The following VCL variants were observed in gnomAD, a reference collection of about 807,000 sequenced individuals.
The protein encoded by VCL is epididymis luminal protein 114.
VCL carries 47 observed loss-of-function variants against 125.7 expected under a neutral mutation model. The observed-to-expected ratio is 0.37, with a 90% CI of 0.30 to 0.48. The LOEUF is 0.48. Among genes scored for constraint, VCL ranks in the 20% least tolerant of loss-of-function variants. The pLI is 0.99. For missense variants in VCL, 1,069 were observed against 1,455.5 expected, an observed-to-expected ratio of 0.73 and a Z score of 4.32; for synonymous variants, 458 against 514.6, an observed-to-expected ratio of 0.89 and a Z score of 1.49.
Position 74,114,886 on chromosome 10 carries a change from A to C in VCL, c.3245A>C (p.Glu1082Ala), listed in dbSNP as rs1554819693. ...TMLGRTNISD[E>A]ESEQATEMLV... ...CTGGGCCGGACCAACATCAGTGATG[A>C]GGAGTCTGAGCAGGTATGTGGCAGC... Residue 1082 changes from glutamate to alanine, a missense_variant, in exon 21 of 22, where the codon GAG becomes GCG. This residue lies in a region of VCL where 91 missense variants were observed against 203.9 expected (regional missense o/e 0.45). Transcript: ENST00000211998. 1 of 1,594,732 alleles carries C rather than the reference A, an allele frequency of 6.3e-7. No individual in the cohort carries two copies. Among genetic ancestry groups the C allele is most frequent in the Non-Finnish European group, 8.5e-7 (1 of 1,170,598 alleles).
chr10:74,021,178 A>T lies in VCL; in HGVS notation c.169-21905A>T, dbSNP rs10458657. Among the ~76,000 whole-genome samples, 1,025 of 151,830 alleles carry T rather than the reference A, an allele frequency of 6.8e-3. 8 individuals carry two copies. The highest frequency in any genetic ancestry group is 0.019 in the African/African-American group (773 of 41,404). ...TCACTCTCTTCATGAAGCTCTTCCCAGGCTGCTCAGCAAAGGGAAGCTCTC... is the reference window on the plus strand; with the variant it reads ...TCACTCTCTTCATGAAGCTCTTCCCTGGCTGCTCAGCAAAGGGAAGCTCTC... On this transcript the variant is annotated intron_variant, in intron 1 of 21. Transcript: ENST00000211998.
intron 13 of VCL, among the ~76,000 whole-genome samples, chr10:74,098,286 A>G (rs1195889858): frequency 6.6e-6 from 1 of 152,190 alleles, no homozygotes; most frequent in African/African-American, 2.4e-5. Flanking sequence ...GGTGACCACT[A>G]AGATAACACC....
In VCL at chr10:74,089,287, C is replaced by T. The variant is rs770954415; in HGVS notation, c.1114C>T (p.Arg372Cys). The T allele has an allele frequency of 1.9e-5, 31 of 1,613,930 alleles. No homozygotes were observed. The highest frequency in any genetic ancestry group is 1.9e-5 in the Non-Finnish European group (22 of 1,180,026). Reference sequence around the variant, plus strand: ...CACAGCAAAAGTGGAAAATGCAGCTCGCAAGCTGGAAGCCATGACCAACTC... The same window carrying T: ...CACAGCAAAAGTGGAAAATGCAGCTTGCAAGCTGGAAGCCATGACCAACTC... ...VLTAKVENAA[R>C]KLEAMTNSKQ... The change falls in exon 9 of 22, where the codon CGC (arginine) becomes TGC (cysteine). Residue 372 changes from arginine (R) to cysteine (C), a missense_variant. Arg to Cys is a radical substitution (Grantham distance 180). Around this residue, in one of 6 missense-constraint regions of VCL, gnomAD observed 760 missense variants for 928.9 expected, o/e 0.82. Transcript: ENST00000211998.
intron 1 of VCL, among the ~76,000 whole-genome samples, chr10:74,000,515 A>G (rs1274233332): frequency 1.3e-5 from 2 of 152,104 alleles, no homozygotes; most frequent in African/African-American, 4.8e-5. Context: ...CCCAGGTTCA[A>G]GTGATTCTCC....
At chr10:74,081,511 G>A (rs1839673659) in intron 6 of VCL, among the ~76,000 whole-genome samples, 1 of 152,154 alleles carries the variant, frequency 6.6e-6, no homozygotes, top group Admixed American at 6.6e-5. Context: ...GTGCTTTGAT[G>A]GCTTAACTCT....
At chr10:74,041,910 C>T (rs1408541736) in intron 1 of VCL, among the ~76,000 whole-genome samples, 1 of 152,034 alleles carries the variant, frequency 6.6e-6, no homozygotes, top group Non-Finnish European at 1.5e-5. Context: ...TTCAAAAACA[C>T]AAACAAAAAA....
Position 74,105,043 on chromosome 10 carries a change from C to T in VCL, c.2132-8C>T. 1.9e-6 allele frequency: 3 copies of T among 1,614,100 alleles called. No homozygotes were observed. The highest frequency in any genetic ancestry group is 2.5e-6 in the Non-Finnish European group (3 of 1,180,006). On this transcript the variant is annotated splice_polypyrimidine_tract_variant and splice_region_variant and intron_variant, in intron 15 of 21. Transcript: ENST00000211998. Reference sequence around the variant, plus strand: ...TGAAACTAAATTCCATTTCTGTTTTCCTAACAGGGCTGGTGGACGAAGCCA... The same window carrying T: ...TGAAACTAAATTCCATTTCTGTTTTTCTAACAGGGCTGGTGGACGAAGCCA...
At chr10:74,082,744 C>T (rs1839698436) in intron 7 of VCL, among the ~76,000 whole-genome samples, 200 bp downstream of exon 7, 1 of 152,188 alleles carries the variant, frequency 6.6e-6, no homozygotes. Flanking sequence ...ATTCGATCAC[C>T]TCTAATCACG....
chr10:74,059,942 C>T (rs966532974), intron 2 of VCL, among the ~76,000 whole-genome samples: 7 of 152,076 alleles, frequency 4.6e-5, no homozygotes, highest in Non-Finnish European at 8.8e-5. Context: ...GCAGGAGGAT[C>T]ACTTGAGCCC....
chr10:74,043,199 T>G (rs1048191837), intron 2 of VCL, 46 bp downstream of exon 2: 14 of 1,534,216 alleles, frequency 9.1e-6, no homozygotes, highest in Non-Finnish European at 1.1e-5. Context: ...AATAATACTC[T>G]TGTTAGGAAG....
chr10:74,004,604 G>A (rs1840285747), intron 1 of VCL, among the ~76,000 whole-genome samples: 1 of 152,186 alleles, frequency 6.6e-6, no homozygotes, highest in Non-Finnish European at 1.5e-5. Flanking sequence ...TCTGTTTAGA[G>A]CCTGGCTTTA....
intron 1 of VCL, among the ~76,000 whole-genome samples, chr10:74,018,758 T>C (rs1840607395): frequency 6.6e-6 from 1 of 152,110 alleles, no homozygotes; most frequent in African/African-American, 2.4e-5. Context: ...AAGGTAAAGG[T>C]ATACAGTGAA....
In VCL at chr10:74,095,771, C is replaced by A. The variant is rs1457065429; in HGVS notation, c.1659C>A (p.Ala553=). Residue 553 remains alanine (A), a synonymous_variant, in exon 12 of 22, where the codon GCC becomes GCA. Coordinates refer to ENST00000211998, the MANE Select transcript of VCL (RefSeq NM_014000.3). ...AKCDRVDQLT[A]QLADLAARGE... ...GTGACCGAGTGGACCAGCTGACAGC[C>A]CAGCTGGCTGACCTGGCTGCCAGAG... 2 of 1,614,176 alleles carry A rather than the reference C, an allele frequency of 1.2e-6. No individual in the cohort carries two copies. Among genetic ancestry groups the A allele is most frequent in the South Asian group, 2.2e-5 (2 of 91,080 alleles).
At chr10:74,048,168 T>C (rs189460890) in intron 2 of VCL, among the ~76,000 whole-genome samples, 20 of 152,256 alleles carry the variant, frequency 1.3e-4, no homozygotes, top group Admixed American at 1.3e-3. Flanking sequence ...TATAACCCTA[T>C]AAGAAATCAT....
At chr10:74,066,887 G>T (rs1841578670) in intron 2 of VCL, among the ~76,000 whole-genome samples, 1 of 152,004 alleles carries the variant, frequency 6.6e-6, no homozygotes, top group Admixed American at 6.6e-5. Flanking sequence ...GGCCAGGCTG[G>T]TTTCGAACTC....
At chr10:74,028,606 A>G (rs994868608) in intron 1 of VCL, among the ~76,000 whole-genome samples, 1 of 152,072 alleles carries the variant, frequency 6.6e-6, no homozygotes, top group Admixed American at 6.6e-5. Context: ...CACGTTGGCC[A>G]GGCTGGTCTC....
intron 1 of VCL, among the ~76,000 whole-genome samples, chr10:74,015,323 C>T (rs1202364164): frequency 1.3e-5 from 2 of 152,172 alleles, no homozygotes; most frequent in African/African-American, 4.8e-5. Context: ...GGGGCCCAGG[C>T]GGGTGGATCG....
rs1839858743 is a variant in VCL, at chr10:74,090,284, C to T, written c.1352+86C>T. 3.4e-6 allele frequency: 5 copies of T among 1,480,074 alleles called. 1 individual carries two copies. The South Asian group carries it at 3.5e-5, about 10-fold the overall frequency. The allele number at this position is 1,480,074 out of a possible 1,614,324, so 91.7% of individuals were successfully genotyped here. On this transcript the variant is annotated intron_variant, in intron 10 of 21. Coordinates refer to ENST00000211998, the MANE Select transcript of VCL (RefSeq NM_014000.3). ...CCTCTCCCTTTCTTTCTTTCTTCCC[C>T]CAAGAACATACATATTTCAATTCCC...
Position 74,118,018 on chromosome 10 carries a change from T to C in VCL, c.3259-5T>C, listed in dbSNP as rs1057523095. ...GGGTAACGGAAAGTACCTTTTTCCT[T>C]GCAGGCCACAGAGATGCTGGTTCAC... On this transcript the variant is annotated splice_region_variant and splice_polypyrimidine_tract_variant and intron_variant, in intron 21 of 21. Coordinates refer to ENST00000211998, the MANE Select transcript of VCL (RefSeq NM_014000.3). 1 of 1,613,906 alleles carries C rather than the reference T, an allele frequency of 6.2e-7. No homozygotes were observed. Among genetic ancestry groups the C allele is most frequent in the African/African-American group, 1.3e-5 (1 of 74,896 alleles).
Sources: allele counts gnomAD v4.1 joint callset (sites outside exome capture counted in the v4.1 genomes callset), GRCh38; gene constraint gnomAD v4.1.1; regional missense constraint gnomAD v4.1.1; transcripts MANE v1.5; gene names NCBI Gene and HGNC (gene_info 2026-07-23, HGNC 2026-07-21).